Variants in ZNF724 observed in about 807,000 individuals in gnomAD.
The protein encoded by ZNF724 is zinc finger protein 724 pseudogene.
A neutral mutation model predicts 29.3 loss-of-function variants in ZNF724; 14 were observed. That is an observed-to-expected ratio of 0.48 (90% CI 0.32 to 0.75). ZNF724 has a LOEUF of 0.75. ZNF724 is among the 30% of genes least tolerant of loss of function. The pLI, the probability that ZNF724 is intolerant of heterozygous loss-of-function variation, is 0.04. For missense variants in ZNF724, 557 were observed against 571.2 expected, an observed-to-expected ratio of 0.98 and a Z score of 0.25; for synonymous variants, 180 against 193.6, an observed-to-expected ratio of 0.93 and a Z score of 0.58.
chr19:23,223,023 G>T lies in ZNF724; in HGVS notation c.1222C>A (p.His408Asn). 1 of 1,322,744 alleles carries T rather than the reference G, an allele frequency of 7.6e-7. No individual in the cohort carries two copies. The highest frequency in any genetic ancestry group is 1.1e-6 in the Non-Finnish European group (1 of 916,698). 81.9% of individuals were successfully genotyped at this position (1,322,744 alleles called of 1,614,324 possible). The change falls in exon 4 of 4, where the codon CAC (histidine) becomes AAC (asparagine). Residue 408 changes from histidine (H) to asparagine (N), a missense_variant. By Grantham distance (68) the His-to-Asn change is moderately conservative. This residue lies in a region of ZNF724 where 362 missense variants were observed against 295.5 expected (regional missense o/e 1.22). Coordinates refer to ENST00000418100, the MANE Select transcript of ZNF724 (RefSeq NM_001355404.2). ...ECGKAFNTSS[H>N]LTTHKRIHTG... is the part of the protein sequence containing the mutation. Reference sequence around the variant, plus strand: ...TGAATTCTTTTATGTGTGGTGAGGTGTGAGGATGTGTTAAAGGCTTTGCCA... The same window carrying T: ...TGAATTCTTTTATGTGTGGTGAGGTTTGAGGATGTGTTAAAGGCTTTGCCA...
rs903470488 is a variant in ZNF724 at position 23,222,081 on chromosome 19, C to T, written c.*304G>A. The T allele has an allele frequency of 1.7e-4, 51 of 293,010 alleles. No homozygotes were observed. The highest frequency in any genetic ancestry group is 1.0e-3 in the African/African-American group (48 of 46,082). 18.2% of individuals were successfully genotyped at this position (293,010 alleles called of 1,614,324 possible). On this transcript the variant is annotated 3_prime_UTR_variant, in exon 4 of 4. Coordinates refer to ENST00000418100, the MANE Select transcript of ZNF724 (RefSeq NM_001355404.2). ...ATTTGCATAATTTTTCTCAAGTATA[C>T]ATCATTTCCTGTCCAATAAAGTGTC...
intron 3 of ZNF724, among the ~76,000 whole-genome samples, chr19:23,226,302 C>T (rs1371434793): frequency 2.0e-5 from 3 of 152,134 alleles, no homozygotes; most frequent in Admixed American, 2.0e-4. Flanking sequence ...CTGCCCACCT[C>T]GGCCTCCCAA....
At chr19:23,247,097 C>T (rs916570391) in intron 1 of ZNF724, among the ~76,000 whole-genome samples, 4 of 152,126 alleles carry the variant, frequency 2.6e-5, no homozygotes, top group Non-Finnish European at 5.9e-5. Context: ...GTGGTGTGCA[C>T]CTGTAATCCC....
At chr19:23,238,169 T>C (rs549269911) in intron 1 of ZNF724, among the ~76,000 whole-genome samples, 11 of 151,804 alleles carry the variant, frequency 7.2e-5, no homozygotes, top group African/African-American at 2.4e-4. Flanking sequence ...ATGGAGACCA[T>C]CCTGGCTAAC....
chr19:23,231,329 A>G lies in ZNF724; in HGVS notation c.163T>C (p.Cys55Arg), dbSNP rs747757452. ...IAVSKPDLIT[C>R]LEQGKEPWNM... Reference sequence around the variant, plus strand: ...CAGGGCTCTTTGCCTTGCTCCAGACAGGTGATCAGGTCTGGCTTAGAGACA... The same window carrying G: ...CAGGGCTCTTTGCCTTGCTCCAGACGGGTGATCAGGTCTGGCTTAGAGACA... Residue 55 changes from cysteine to arginine, a missense_variant, in exon 3 of 4, where the codon TGT becomes CGT. Coordinates refer to ENST00000418100, the MANE Select transcript of ZNF724 (RefSeq NM_001355404.2). The G allele has an allele frequency of 7.5e-5, 104 of 1,386,818 alleles. No individual in the cohort carries two copies. The highest frequency in any genetic ancestry group is 9.8e-5 in the Non-Finnish European group (96 of 975,540). 85.9% of individuals were successfully genotyped at this position (1,386,818 alleles called of 1,614,324 possible).
At chr19:23,227,389 T>G (rs1971851833) in intron 3 of ZNF724, among the ~76,000 whole-genome samples, 1 of 151,268 alleles carries the variant, frequency 6.6e-6, no homozygotes. Flanking sequence ...ACCCCATCTC[T>G]ACTAAAAATA....
In ZNF724 at chr19:23,223,243, A is replaced by G. The variant is rs541205793; in HGVS notation, c.1002T>C (p.Gly334=). 2 of 903,634 alleles carry G rather than the reference A, an allele frequency of 2.2e-6. No homozygotes were observed. The highest frequency in any genetic ancestry group is 1.6e-5 in the African/African-American group (1 of 60,918). 56.0% of individuals were successfully genotyped at this position (903,634 alleles called of 1,614,324 possible). A position where few individuals can be genotyped will look rare whatever the true frequency, so the allele number is the denominator to read the frequency against. The change falls in exon 4 of 4, where the codon GGT becomes GGC. Residue 334 remains glycine (G), a synonymous_variant. Coordinates refer to ENST00000418100, the MANE Select transcript of ZNF724 (RefSeq NM_001355404.2). ...ATTCTTCACATTTATAAGGTTTATC[A>G]CCAGTATGAATTCTCTTATGTTTAG... ...NLTKHKRIHT[G]DKPYKCEECG... is the part of the protein sequence containing the mutation.
chr19:23,235,432 G>T (rs1972008835), intron 1 of ZNF724, among the ~76,000 whole-genome samples: 1 of 152,160 alleles, frequency 6.6e-6, no homozygotes, highest in South Asian at 2.1e-4. Flanking sequence ...TGGATCTGCA[G>T]AATAGAAAAC....
intron 3 of ZNF724, among the ~76,000 whole-genome samples, chr19:23,227,579 A>C (rs1430657397): frequency 2.0e-5 from 3 of 150,146 alleles, no homozygotes; most frequent in African/African-American, 7.3e-5. Flanking sequence ...AACAAAAAAA[A>C]ACAAGTTAAA....
chr19:23,249,433 T>C (rs961808784), intron 1 of ZNF724, among the ~76,000 whole-genome samples: 1 of 150,086 alleles, frequency 6.7e-6, no homozygotes. Flanking sequence ...AGTCAAGCTC[T>C]GTCACCCAAG....
At position 23,227,644 on chromosome 19, in the gene ZNF724, C is replaced by T. The variant is rs187518853; in HGVS notation, c.226+3622G>A. 1.8e-4 allele frequency among the ~76,000 whole-genome samples: 27 copies of T among 150,622 alleles called. No individual in the cohort carries two copies. The East Asian group carries it at 3.5e-3, about 20-fold the overall frequency. Reference sequence around the variant, plus strand: ...ATATTTTTGCAGAATATAATTAAAGCCTCTGATATATAAAACAAATATTTG... The same window carrying T: ...ATATTTTTGCAGAATATAATTAAAGTCTCTGATATATAAAACAAATATTTG... On this transcript the variant is annotated intron_variant, in intron 3 of 3. Transcript: ENST00000418100.
In ZNF724 at chr19:23,222,564, G is replaced by A; in HGVS notation, c.1681C>T (p.Pro561Ser). Residue 561 changes from proline (P) to serine (S), a missense_variant, in exon 4 of 4, where the codon CCC (proline) becomes TCC (serine). By Grantham distance (74) the Pro-to-Ser change is moderately conservative. Transcript: ENST00000418100. Reference protein sequence around the residue: ...QHKIIHTGEKPYKCEECGKAF... With the variant: ...QHKIIHTGEKSYKCEECGKAF... ...TTGCCACATTCTTCACATTTGTAGG[G>A]TTTCTCTCCAGTATGAATTATCTTA... 7.2e-7 allele frequency: 1 copy of A among 1,382,732 alleles called. No homozygotes were observed. Among genetic ancestry groups the A allele is most frequent in the Non-Finnish European group, 1.0e-6 (1 of 971,198 alleles). 85.7% of individuals were successfully genotyped at this position (1,382,732 alleles called of 1,614,324 possible).
intron 1 of ZNF724, among the ~76,000 whole-genome samples, chr19:23,234,850 G>A (rs1342656187): frequency 6.6e-6 from 1 of 152,178 alleles, no homozygotes; most frequent in African/African-American, 2.4e-5. Context: ...ATGAATGTGC[G>A]TTTTAAATAA....
rs1484810164 is a variant in ZNF724 at position 23,222,692 on chromosome 19, G to A, written c.1553C>T (p.Ser518Phe). The change falls in exon 4 of 4, where the codon TCC becomes TTC. Residue 518 changes from serine to phenylalanine, a missense_variant. Transcript: ENST00000418100. ...CKECGKAFNQSSTLARHKIIH... is the reference protein window; with the variant it reads ...CKECGKAFNQFSTLARHKIIH... ...TATCTTATGTCTAGCAAGTGTCGAG[G>A]ATTGGTTAAAAGCTTTGCCACATTC... 7.2e-7 allele frequency: 1 copy of A among 1,388,954 alleles called. No individual in the cohort carries two copies. The highest frequency in any genetic ancestry group is 1.0e-6 in the Non-Finnish European group (1 of 979,232). The allele number at this position is 1,388,954 out of a possible 1,614,324, so 86.0% of individuals were successfully genotyped here. A position where few individuals can be genotyped will look rare whatever the true frequency, so the allele number is the denominator to read the frequency against.
chr19:23,232,509 T>C (rs1029518677), intron 1 of ZNF724, among the ~76,000 whole-genome samples: 11 of 152,182 alleles, frequency 7.2e-5, no homozygotes, highest in Non-Finnish European at 1.6e-4. Flanking sequence ...AATTTATATA[T>C]GATACTTTTC....
chr19:23,250,093 G>GTT (rs1972324768), intron 1 of ZNF724, 147 bp downstream of exon 1: 3 of 503,394 alleles, frequency 6.0e-6, no homozygotes, highest in African/African-American at 2.0e-5. Flanking sequence ...TATGGCTGAA[G>GTT]GGGACTGAGG....
chr19:23,232,819 T>C (rs74883365), intron 1 of ZNF724, among the ~76,000 whole-genome samples: 42 of 151,430 alleles, frequency 2.8e-4, no homozygotes, highest in Admixed American at 9.2e-4. Context: ...AACCTGTTTT[T>C]CCCCCCAGTT....
chr19:23,241,915 A>T (rs1568345183), intron 1 of ZNF724, among the ~76,000 whole-genome samples: 2 of 152,196 alleles, frequency 1.3e-5, no homozygotes, highest in Non-Finnish European at 2.9e-5. Flanking sequence ...AAGAAAATGC[A>T]CCCAAACAGG....
At chr19:23,229,067 GAAAAA>G (rs74175742) in intron 3 of ZNF724, among the ~76,000 whole-genome samples, 1 of 145,302 alleles carries the variant, frequency 6.9e-6, no homozygotes, top group Non-Finnish European at 1.5e-5. Flanking sequence ...CGTCTCAAAA[GAAAAA>G]AAAAAAGAGA....
Sources: gnomAD v4.1 joint callset for allele counts (sites outside exome capture counted in the v4.1 genomes callset) on GRCh38, gnomAD v4.1.1 for gene constraint, gnomAD v4.1.1 regional missense constraint, MANE v1.5 for transcripts, NCBI Gene and HGNC (gene_info 2026-07-23, HGNC 2026-07-21) for gene names.